NCKAP5: variants seen among roughly 807,000 people sequenced by gnomAD.
NCKAP5 encodes NCK associated protein 5, also known as nck-associated protein 5.
A neutral mutation model predicts 167.0 loss-of-function variants in NCKAP5; 92 were observed. The observed-to-expected ratio is 0.55, with a 90% CI of 0.47 to 0.66. The LOEUF is 0.66. Among genes scored for constraint, NCKAP5 ranks in the 30% least tolerant of loss-of-function variants. The pLI, the probability that NCKAP5 is intolerant of heterozygous loss-of-function variation, is 0.00. For synonymous variants in NCKAP5, 891 were observed against 877.4 expected (o/e 1.02, Z -0.27); for missense variants, 2,378 against 2,315.0 (o/e 1.03, Z -0.56).
chr2:132,940,872 A>G (rs143044284), intron 8 of NCKAP5, among the ~76,000 whole-genome samples: 1 of 151,900 alleles, frequency 6.6e-6, no homozygotes, highest in Non-Finnish European at 1.5e-5. Context: ...CATTTATTTG[A>G]TAATTATATT....
chr2:133,411,973 C>G (rs1688800334), intron 3 of NCKAP5, among the ~76,000 whole-genome samples: 1 of 152,214 alleles, frequency 6.6e-6, no homozygotes, highest in African/African-American at 2.4e-5. Flanking sequence ...GTTCCTCCCT[C>G]TAACTCCTGT....
rs1553446874 is a variant in NCKAP5 at position 132,804,085 on chromosome 2, C to CAAACAAAA, written c.808-7364_808-7357dup. On this transcript the variant is annotated intron_variant, in intron 11 of 19. Transcript: ENST00000409261. ...CAAAACAAACAAACAAACAAACAAA[C>CAAACAAAA]AAACAAAATTCGGAAATATTTCAGA... 2.6e-5 allele frequency among the ~76,000 whole-genome samples: 4 copies of CAAACAAAA among 152,082 alleles called. No homozygotes were observed. The East Asian group carries it at 7.7e-4, about 29-fold the overall frequency.
At chr2:133,496,129 C>G (rs1300560299) in intron 3 of NCKAP5, among the ~76,000 whole-genome samples, 1 of 152,116 alleles carries the variant, frequency 6.6e-6, no homozygotes, top group African/African-American at 2.4e-5. Context: ...AACAAATCAG[C>G]CCTTGAATCT....
Position 132,987,820 on chromosome 2 carries a change from C to T in NCKAP5, c.429+6332G>A, listed in dbSNP as rs529868932. ...GTCTACCCAGCTAATTAAAAGGGTG[C>T]AAAGGATGTCGAGTGACCTAACATT... On this transcript the variant is annotated intron_variant, in intron 7 of 19. Coordinates refer to ENST00000409261, the MANE Select transcript of NCKAP5 (RefSeq NM_207363.3). Among the ~76,000 whole-genome samples the T allele has an allele frequency of 7.2e-5, 11 of 152,290 alleles. No individual in the cohort carries two copies. In the East Asian group the frequency reaches 1.9e-3, roughly 27 times the overall value.
chr2:132,957,161 C>G (rs543815705), intron 8 of NCKAP5, among the ~76,000 whole-genome samples: 1 of 152,032 alleles, frequency 6.6e-6, no homozygotes, highest in Admixed American at 6.5e-5. Flanking sequence ...CAACTTAACG[C>G]GGGCAAAAAC....
At chr2:132,940,051 A>T (rs890769309) in intron 8 of NCKAP5, among the ~76,000 whole-genome samples, 3 of 151,920 alleles carry the variant, frequency 2.0e-5, no homozygotes, top group African/African-American at 7.3e-5. Flanking sequence ...TCCCAACCTT[A>T]CCTTCTGAGT....
chr2:132,893,210 T>C (rs1047523701), intron 8 of NCKAP5, among the ~76,000 whole-genome samples: 1 of 152,178 alleles, frequency 6.6e-6, no homozygotes, highest in Non-Finnish European at 1.5e-5. Flanking sequence ...CACTGGTGGG[T>C]GTGTAAATTA....
chr2:133,154,474 G>A (rs1451876364), intron 5 of NCKAP5, among the ~76,000 whole-genome samples: 1 of 152,226 alleles, frequency 6.6e-6, no homozygotes, highest in African/African-American at 2.4e-5. Context: ...CAACCCATGT[G>A]AGCTGAAGGT....
At chr2:132,729,510 C>T (rs1257462135) in intron 17 of NCKAP5, among the ~76,000 whole-genome samples, 1 of 152,116 alleles carries the variant, frequency 6.6e-6, no homozygotes, top group African/African-American at 2.4e-5. Context: ...ACTTTTCAAG[C>T]TTTAATGTAC....
rs570444098 is a variant in NCKAP5, at chr2:133,048,384, T to C, written c.342-54145A>G. 1.6e-4 allele frequency among the ~76,000 whole-genome samples: 25 copies of C among 152,308 alleles called. No homozygotes were observed. The South Asian group carries it at 5.0e-3, about 30-fold the overall frequency. Reference sequence around the variant, plus strand: ...TATGCAGTATATGTAGTTCATAGTATCCAAAAGGCTGAAACAAAAAGGGTT... The same window carrying C: ...TATGCAGTATATGTAGTTCATAGTACCCAAAAGGCTGAAACAAAAAGGGTT... On this transcript the variant is annotated intron_variant, in intron 6 of 19. Transcript: ENST00000409261.
chr2:133,254,839 T>C (rs951748849), intron 4 of NCKAP5, among the ~76,000 whole-genome samples: 3 of 152,090 alleles, frequency 2.0e-5, no homozygotes, highest in South Asian at 2.1e-4. Flanking sequence ...CTCTAAAGAG[T>C]TGAAGAACTG....
At chr2:132,836,422 G>T (rs1458160561) in intron 11 of NCKAP5, among the ~76,000 whole-genome samples, 4 of 147,828 alleles carry the variant, frequency 2.7e-5, no homozygotes, top group Non-Finnish European at 3.0e-5. Context: ...TTTTTTTTTT[G>T]TTTGTTATTG....
chr2:133,047,477 A>T (rs2079442390), intron 6 of NCKAP5, among the ~76,000 whole-genome samples: 1 of 152,264 alleles, frequency 6.6e-6, no homozygotes, highest in East Asian at 1.9e-4. Context: ...CTGGACTATG[A>T]ACTCTCAAGG....
chr2:133,082,191 T>A (rs972083799), intron 6 of NCKAP5, among the ~76,000 whole-genome samples: 7 of 152,168 alleles, frequency 4.6e-5, no homozygotes, highest in Non-Finnish European at 8.8e-5. Context: ...ACAGCAGTTT[T>A]AAATGAAGGG....
intron 3 of NCKAP5, among the ~76,000 whole-genome samples, chr2:133,492,170 T>TGTGTGTGTGTGTGTGTG (rs1559524824): frequency 1.1e-4 from 17 of 151,580 alleles, no homozygotes; most frequent in South Asian, 6.3e-4. Context: ...TGTGTGTGTG[T>TGTGTGTGTGTGTGTGTG]TAAGGTCTAT....
chr2:133,364,791 G>C (rs1186990703), intron 3 of NCKAP5, among the ~76,000 whole-genome samples: 1 of 150,780 alleles, frequency 6.6e-6, no homozygotes, highest in Non-Finnish European at 1.5e-5. Context: ...TCTCAATACT[G>C]TCACCCAGGC....
At chr2:132,814,641 G>C (rs12618525) in intron 11 of NCKAP5, among the ~76,000 whole-genome samples, 28,045 of 152,068 alleles carry the variant, frequency 0.18, 2,891 homozygotes, top group East Asian at 0.29. Flanking sequence ...TCTGGAAACA[G>C]AATCCGAGAT....
intron 8 of NCKAP5, among the ~76,000 whole-genome samples, chr2:132,933,050 G>T (rs543608043): frequency 1.3e-5 from 2 of 149,900 alleles, no homozygotes; most frequent in Non-Finnish European, 3.0e-5. Context: ...TCAGCCTCCC[G>T]AGCAGCTGGG....
Position 132,785,629 on chromosome 2 carries a change from A to G in NCKAP5, c.1182T>C (p.Thr394=), listed in dbSNP as rs1401436668. 1 of 1,542,008 alleles carries G rather than the reference A, an allele frequency of 6.5e-7. No individual in the cohort carries two copies. Among genetic ancestry groups the G allele is most frequent in the Non-Finnish European group, 8.7e-7 (1 of 1,148,244 alleles). The change falls in exon 14 of 20, where the codon ACT becomes ACC. Residue 394 remains threonine (T), a synonymous_variant. Coordinates refer to ENST00000409261, the MANE Select transcript of NCKAP5 (RefSeq NM_207363.3). ...CCAAAATGTGGCTTTCCTTGATACG[A>G]GTTGGAGGTAGTTCATTTGTAGGAC... is the stretch of plus-strand genomic sequence containing the variant. ...FASPTNELPP[T]RIKESHILEG...
Sources: gnomAD v4.1 joint callset for allele counts (sites outside exome capture counted in the v4.1 genomes callset) on GRCh38, gnomAD v4.1.1 for gene constraint, MANE v1.5 for transcripts, NCBI Gene and HGNC (gene_info 2026-07-23, HGNC 2026-07-21) for gene names.